The following BBX variants were observed in gnomAD, a reference collection of about 807,000 sequenced individuals.
BBX encodes HMG box transcription factor BBX.
BBX carries 30 observed loss-of-function variants against 100.2 expected under a neutral mutation model. The observed-to-expected ratio is 0.30, with a 90% confidence interval of 0.22 to 0.41. The LOEUF (loss-of-function observed/expected upper bound fraction) is 0.41. BBX is among the 10% of genes least tolerant of loss of function. The pLI is 1.00. For synonymous variants in BBX, 376 were observed against 388.1 expected (o/e 0.97, Z 0.37); for missense variants, 1,023 against 1,129.8 (o/e 0.91, Z 1.35).
chr3:107,637,495 A>T (rs2056921057), intron 2 of BBX, among the ~76,000 whole-genome samples: 1 of 152,218 alleles, frequency 6.6e-6, no homozygotes, highest in Non-Finnish European at 1.5e-5. Context: ...GGGCAGTGTG[A>T]TACAGGGCAA....
chr3:107,595,035 A>G (rs557892793), intron 2 of BBX, among the ~76,000 whole-genome samples: 5 of 152,360 alleles, frequency 3.3e-5, no homozygotes, highest in South Asian at 2.1e-4. Flanking sequence ...ACAGAGCAAG[A>G]ATGCTGCTGC....
intron 2 of BBX, among the ~76,000 whole-genome samples, chr3:107,591,918 G>GA (rs1484888318): frequency 1.3e-5 from 2 of 152,224 alleles, no homozygotes; most frequent in Non-Finnish European, 2.9e-5. Flanking sequence ...GAAGATATTT[G>GA]AAAGTATGTG....
rs1313902193 is a variant in BBX at position 107,765,975 on chromosome 3, T to C, written c.907-6653T>C. On this transcript the variant is annotated intron_variant, in intron 10 of 17. Coordinates refer to ENST00000325805, the MANE Select transcript of BBX (RefSeq NM_001142568.3). ...ATAGTAATAGACAAACTGTGGAATT[T>C]ACTTGTAATGATTTTCATATTAGTA... 2.4e-5 allele frequency among the ~76,000 whole-genome samples: 3 copies of C among 127,196 alleles called. No homozygotes were observed. In the East Asian group the frequency reaches 8.6e-4, roughly 37 times the overall value. The allele number at this position is 127,196 out of a possible 152,430, so 83.4% of individuals were successfully genotyped here. A position where few individuals can be genotyped will look rare whatever the true frequency, so the allele number is the denominator to read the frequency against.
At chr3:107,625,475 A>C (rs1257412497) in intron 2 of BBX, among the ~76,000 whole-genome samples, 1 of 152,028 alleles carries the variant, frequency 6.6e-6, no homozygotes, top group Non-Finnish European at 1.5e-5. Flanking sequence ...GTAGAGACGG[A>C]GTTTTGCCAT....
intron 3 of BBX, among the ~76,000 whole-genome samples, chr3:107,693,620 A>T (rs1238171826): frequency 1.3e-5 from 2 of 151,790 alleles, no homozygotes; most frequent in African/African-American, 4.9e-5. Context: ...TATAGTTTGA[A>T]GTCAGGTAGT....
chr3:107,557,371 G>A (rs768592197), intron 2 of BBX, among the ~76,000 whole-genome samples: 7 of 152,140 alleles, frequency 4.6e-5, no homozygotes, highest in South Asian at 2.1e-4. Flanking sequence ...ACTTTCGTTA[G>A]CTAAAGCCTA....
chr3:107,536,981 C>G (rs1050349227), intron 2 of BBX, among the ~76,000 whole-genome samples: 1 of 152,084 alleles, frequency 6.6e-6, no homozygotes, highest in African/African-American at 2.4e-5. Context: ...AAATATGGGA[C>G]GAGTTTCTTA....
intron 10 of BBX, among the ~76,000 whole-genome samples, chr3:107,758,129 C>A (rs2065629542): frequency 1.3e-5 from 2 of 152,166 alleles, no homozygotes; most frequent in South Asian, 2.1e-4. Flanking sequence ...GATATTAATT[C>A]TCATTCTTTA....
chr3:107,733,170 T>G (rs2063417419), intron 7 of BBX, 147 bp downstream of exon 7: 1 of 721,276 alleles, frequency 1.4e-6, no homozygotes, highest in Non-Finnish European at 2.2e-6. Context: ...TCTTTCTGTG[T>G]GTCTTGTGTG....
chr3:107,726,787 G>A (rs1047112718), intron 5 of BBX, among the ~76,000 whole-genome samples: 7 of 152,060 alleles, frequency 4.6e-5, no homozygotes, highest in African/African-American at 1.4e-4. Context: ...TATGAAGACA[G>A]GGACTCTATC....
Position 107,808,986 on chromosome 3 carries a change from G to A in BBX, c.*3529G>A, listed in dbSNP as rs1295179838. 4 of 152,158 alleles carry A rather than the reference G, an allele frequency of 2.6e-5. No individual in the cohort carries two copies. The highest frequency in any genetic ancestry group is 5.9e-5 in the Non-Finnish European group (4 of 68,020). 9.4% of individuals were successfully genotyped at this position (152,158 alleles called of 1,614,324 possible). On this transcript the variant is annotated 3_prime_UTR_variant, in exon 18 of 18. Coordinates refer to ENST00000325805, the MANE Select transcript of BBX (RefSeq NM_001142568.3). ...ATGATGGAACACTATGAACAAAAAG[G>A]AGCATCTGAACTGGTCTGGTTATTT... is the stretch of plus-strand genomic sequence containing the variant.
chr3:107,595,943 C>T (rs1176079652), intron 2 of BBX, among the ~76,000 whole-genome samples: 1 of 152,146 alleles, frequency 6.6e-6, no homozygotes, highest in Non-Finnish European at 1.5e-5. Context: ...AGACTAGTAT[C>T]TACATATATT....
At chr3:107,666,122 C>G (rs1234385302) in intron 3 of BBX, among the ~76,000 whole-genome samples, 1 of 152,176 alleles carries the variant, frequency 6.6e-6, no homozygotes, top group Non-Finnish European at 1.5e-5. Flanking sequence ...CTTGTGAGTA[C>G]TTTTGAACTC....
intron 2 of BBX, among the ~76,000 whole-genome samples, chr3:107,635,962 G>A (rs1225182273): frequency 6.6e-6 from 1 of 151,986 alleles, no homozygotes; most frequent in Non-Finnish European, 1.5e-5. Flanking sequence ...CTCCCGCCTC[G>A]GCCTCCCAAA....
At chr3:107,590,988 C>T (rs1242926111) in intron 2 of BBX, among the ~76,000 whole-genome samples, 1 of 152,236 alleles carries the variant, frequency 6.6e-6, no homozygotes, top group Non-Finnish European at 1.5e-5. Flanking sequence ...AGTTACTGAC[C>T]TTTCATGACC....
chr3:107,524,563 G>A (rs1264838286), intron 1 of BBX: 1 of 135,068 alleles, frequency 7.4e-6, no homozygotes, highest in Admixed American at 7.6e-5. Flanking sequence ...TGCTAAATGA[G>A]GAAGGTAAAA....
intron 3 of BBX, among the ~76,000 whole-genome samples, chr3:107,673,539 C>T (rs2059129015): frequency 1.3e-5 from 2 of 152,120 alleles, no homozygotes; most frequent in South Asian, 4.1e-4. Flanking sequence ...TATAATTCCC[C>T]AGAAAAATTC....
intron 2 of BBX, among the ~76,000 whole-genome samples, chr3:107,576,735 C>T (rs1417868801): frequency 6.6e-6 from 1 of 151,890 alleles, no homozygotes; most frequent in Admixed American, 6.6e-5. Context: ...GTTATTTTTA[C>T]TTTGTGATTT....
chr3:107,562,458 TTGTC>T (rs1209958136), intron 2 of BBX, among the ~76,000 whole-genome samples: 5 of 152,152 alleles, frequency 3.3e-5, no homozygotes, highest in African/African-American at 1.2e-4. Context: ...ATATTGGTAA[TTGTC>T]TATATAAGTA....
Sources: allele counts gnomAD v4.1 joint callset (sites outside exome capture counted in the v4.1 genomes callset), GRCh38; gene constraint gnomAD v4.1.1; transcripts MANE v1.5; gene names NCBI Gene and HGNC (gene_info 2026-07-23, HGNC 2026-07-21).